The following SBSPON variants were observed in gnomAD, a reference collection of about 807,000 sequenced individuals.
SBSPON encodes the protein somatomedin B and thrombospondin type 1 domain containing.
Under a neutral mutation model 35.8 loss-of-function variants are expected in SBSPON, and 30 were observed. The ratio of observed to expected loss-of-function variants is 0.84; its 90% CI spans 0.63 to 1.14. The LOEUF (loss-of-function observed/expected upper bound fraction) is 1.14, where lower values mean the gene tolerates loss of function less well. Among genes scored for constraint, SBSPON ranks in the 50% most tolerant of loss-of-function variants. The probability of loss-of-function intolerance (pLI) is 0.00; values close to 1 mark genes in which losing one functional copy is unlikely to be tolerated. For missense variants in SBSPON, 364 were observed against 357.7 expected, an observed-to-expected ratio of 1.02 and a Z score of -0.14; for synonymous variants, 136 against 135.9, an observed-to-expected ratio of 1.00 and a Z score of 0.00.
chr8:73,088,271 A>G (rs1810871847), intron 1 of SBSPON, among the ~76,000 whole-genome samples: 1 of 152,268 alleles, frequency 6.6e-6, no homozygotes, highest in Non-Finnish European at 1.5e-5. Context: ...AAAAATCAGA[A>G]GGAATAGAAG....
chr8:73,071,792 G>T lies in SBSPON; in HGVS notation c.488C>A (p.Thr163Lys). 3 of 1,594,680 alleles carry T rather than the reference G, an allele frequency of 1.9e-6. No homozygotes were observed. The highest frequency in any genetic ancestry group is 1.7e-6 in the Non-Finnish European group (2 of 1,163,576). Residue 163 changes from threonine (T) to lysine (K), a missense_variant, in exon 3 of 5, where the codon ACA becomes AAA. Thr to Lys is a moderately conservative substitution (Grantham distance 78). Coordinates refer to ENST00000297354, the MANE Select transcript of SBSPON (RefSeq NM_153225.4). ...QATSPHWSTH[T>K]EDAGYCMEFK... is the part of the protein sequence containing the mutation. ...AACACGAAATTACCCAGCATCCTCT[G>T]TGTGTGTAGACCAGTGTGGAGACGT...
At chr8:73,072,097 C>T (rs1346849164) in intron 2 of SBSPON, among the ~76,000 whole-genome samples, 1 of 151,458 alleles carries the variant, frequency 6.6e-6, no homozygotes, top group Non-Finnish European at 1.5e-5. Context: ...CATTTGTCTG[C>T]AGTAATAAAA....
rs780400711 is a variant in SBSPON at position 73,064,810 on chromosome 8, T to G, written c.*2531A>C. ...TCAAAAATGGCCATTATCCCTTGCT[T>G]CTTTTCCCTTCTTTCCTGGTGGCTG... is the stretch of plus-strand genomic sequence containing the variant. On this transcript the variant is annotated 3_prime_UTR_variant, in exon 5 of 5. Transcript: ENST00000297354. 3.9e-5 allele frequency: 6 copies of G among 152,164 alleles called. No homozygotes were observed. The highest frequency in any genetic ancestry group is 5.9e-5 in the Non-Finnish European group (4 of 68,032). The allele number at this position is 152,164 out of a possible 1,614,324, so 9.4% of individuals were successfully genotyped here.
chr8:73,090,690 T>G (rs1180181893), intron 1 of SBSPON, among the ~76,000 whole-genome samples: 4 of 152,350 alleles, frequency 2.6e-5, no homozygotes, highest in Middle Eastern at 3.4e-3. Flanking sequence ...CTTCTAGGCC[T>G]GCAAGGTCCT....
rs552870321 is a variant in SBSPON, at chr8:73,085,484, G to C, written c.215-4271C>G. 1.2e-4 allele frequency: 18 copies of C among 151,822 alleles called. No individual in the cohort carries two copies. In the South Asian group the frequency reaches 3.5e-3, roughly 30 times the overall value. The allele number at this position is 151,822 out of a possible 1,614,324, so 9.4% of individuals were successfully genotyped here. ...TCTATGCCACTCATGGTCTGACATG[G>C]TCTGTGCCACTCATGGTTTGGGGAG... On this transcript the variant is annotated intron_variant, in intron 1 of 4. Coordinates refer to ENST00000297354, the MANE Select transcript of SBSPON (RefSeq NM_153225.4).
At chr8:73,080,492 G>A (rs1443924336) in intron 2 of SBSPON, among the ~76,000 whole-genome samples, 1 of 152,138 alleles carries the variant, frequency 6.6e-6, no homozygotes, top group Non-Finnish European at 1.5e-5. Context: ...TCCAGCCTGG[G>A]TGACAGAGCG....
rs1810874609 is a variant in SBSPON, at chr8:73,088,470, C to T, written c.214+4384G>A. ...GGCCAAGGCAGGCAGATTGCTTGAGCCTAGGAATTGGAGACCAGCTTGGGC... is the reference window on the plus strand; with the variant it reads ...GGCCAAGGCAGGCAGATTGCTTGAGTCTAGGAATTGGAGACCAGCTTGGGC... On this transcript the variant is annotated intron_variant, in intron 1 of 4. Transcript: ENST00000297354. Among the ~76,000 whole-genome samples, 3 of 152,110 alleles carry T rather than the reference C, an allele frequency of 2.0e-5. No homozygotes were observed. The South Asian group carries it at 6.2e-4, about 32-fold the overall frequency.
At chr8:73,070,254 C>A (rs1458951610) in intron 3 of SBSPON, among the ~76,000 whole-genome samples, 1 of 152,152 alleles carries the variant, frequency 6.6e-6, no homozygotes, top group Non-Finnish European at 1.5e-5. Flanking sequence ...GTTTGGATAT[C>A]CTGTATCCTG....
chr8:73,086,625 G>A (rs991426937), intron 1 of SBSPON, among the ~76,000 whole-genome samples: 2 of 149,908 alleles, frequency 1.3e-5, no homozygotes, highest in South Asian at 2.1e-4. Flanking sequence ...CAGAAACCAC[G>A]TTATCTGGCC....
chr8:73,067,240 T>C lies in SBSPON; in HGVS notation c.*101A>G, dbSNP rs1810404987. 2 of 691,972 alleles carry C rather than the reference T, an allele frequency of 2.9e-6. No individual in the cohort carries two copies. Among genetic ancestry groups the C allele is most frequent in the African/African-American group, 1.8e-5 (1 of 56,180 alleles). The allele number at this position is 691,972 out of a possible 1,614,324, so 42.9% of individuals were successfully genotyped here. ...ACTTCAGAGTGTGGCAATGATGTGT[T>C]TGGGGACTTTGGCCAAAATTGAAGG... On this transcript the variant is annotated 3_prime_UTR_variant, in exon 5 of 5. Coordinates refer to ENST00000297354, the MANE Select transcript of SBSPON (RefSeq NM_153225.4).
At chr8:73,081,952 T>G (rs1418207262) in intron 1 of SBSPON, among the ~76,000 whole-genome samples, 1 of 152,188 alleles carries the variant, frequency 6.6e-6, no homozygotes, top group Non-Finnish European at 1.5e-5. Flanking sequence ...TTTGTGCTGT[T>G]GGTCTATGCT....
intron 2 of SBSPON, among the ~76,000 whole-genome samples, chr8:73,076,358 T>A (rs1810594728): frequency 6.6e-6 from 1 of 152,138 alleles, no homozygotes; most frequent in South Asian, 2.1e-4. Context: ...GGAATTAAGG[T>A]TGCTGCTCAG....
intron 4 of SBSPON, among the ~76,000 whole-genome samples, chr8:73,068,192 A>C (rs973628818): frequency 2.6e-5 from 4 of 152,230 alleles, no homozygotes; most frequent in Admixed American, 1.3e-4. Flanking sequence ...TTTAAATACT[A>C]TATGGGTACA....
chr8:73,090,679 CCT>C (rs1810915526), intron 1 of SBSPON, among the ~76,000 whole-genome samples: 1 of 152,226 alleles, frequency 6.6e-6, no homozygotes, highest in Non-Finnish European at 1.5e-5. Context: ...CCACCTGCTT[CCT>C]TCTAGGCCTG....
In SBSPON at chr8:73,067,589, C is replaced by CTATATATATA. The variant is rs1233223282; in HGVS notation, c.678-141_678-132dup. ...GCAATATAGTGAAACCCCGTCTCTA[C>CTATATATATA]TATATATATATATATATAGTTTTTT... On this transcript the variant is annotated intron_variant, in intron 4 of 4. Transcript: ENST00000297354. The CTATATATATA allele has an allele frequency of 1.3e-3, 136 of 104,266 alleles. 9 individuals carry two copies. In the African/African-American group the frequency reaches 0.018, roughly 14 times the overall value. The allele number at this position is 104,266 out of a possible 1,614,324, so 6.5% of individuals were successfully genotyped here.
intron 1 of SBSPON, among the ~76,000 whole-genome samples, chr8:73,084,091 C>T (rs542920667): frequency 6.6e-6 from 1 of 152,214 alleles, no homozygotes; most frequent in Non-Finnish European, 1.5e-5. Flanking sequence ...AAGCTAAAAG[C>T]TCTGCTGAAG....
intron 1 of SBSPON, among the ~76,000 whole-genome samples, chr8:73,084,749 GACACACACACACACACACACACACACAC>G (rs57178636): frequency 7.4e-6 from 1 of 134,356 alleles, no homozygotes; most frequent in African/African-American, 2.7e-5. Context: ...CCACTACACA[GACACACACACACACACACACACACACAC>G]ACACACACAC....
Position 73,085,344 on chromosome 8 carries a change from T to C in SBSPON, c.215-4131A>G, listed in dbSNP as rs558295293. The C allele has an allele frequency of 4.6e-5, 7 of 152,258 alleles. 1 individual carries two copies. Among genetic ancestry groups the C allele is most frequent in the African/African-American group, 1.7e-4 (7 of 41,558 alleles). 9.4% of individuals were successfully genotyped at this position (152,258 alleles called of 1,614,324 possible). A position where few individuals can be genotyped will look rare whatever the true frequency, so the allele number is the denominator to read the frequency against. The stretch of plus-strand genomic sequence containing the variant: ...GACCACATTTTGAAAGTAACAAGCT[T>C]CTTTACTTTTATTATCTGTGGCACA... On this transcript the variant is annotated intron_variant, in intron 1 of 4. Transcript: ENST00000297354.
Position 73,092,941 on chromosome 8 carries a change from G to T in SBSPON, c.127C>A (p.Leu43Met). 1 of 1,606,276 alleles carries T rather than the reference G, an allele frequency of 6.2e-7. No individual in the cohort carries two copies. The change falls in exon 1 of 5, where the codon CTG becomes ATG. Residue 43 changes from leucine (L) to methionine (M), a missense_variant. Transcript: ENST00000297354. ...AAACACGTCCCGTAGACCCTGTCCAGCCTCCAGCCGCGGGCGAAGCAGGCG... is the reference window on the plus strand; with the variant it reads ...AAACACGTCCCGTAGACCCTGTCCATCCTCCAGCCGCGGGCGAAGCAGGCG... ...DPACFARGWR[L>M]DRVYGTCFCD...
Sources: gnomAD v4.1 joint callset for allele counts (sites outside exome capture counted in the v4.1 genomes callset) on GRCh38, gnomAD v4.1.1 for gene constraint, MANE v1.5 for transcripts, NCBI Gene and HGNC (gene_info 2026-07-23, HGNC 2026-07-21) for gene names.